SDC2: variants seen among roughly 807,000 people sequenced by gnomAD.
SDC2 encodes the protein syndecan-2.
A neutral mutation model predicts 22.2 loss-of-function variants in SDC2; 13 were observed. That is an observed-to-expected ratio of 0.59 (90% CI 0.38 to 0.93). The LOEUF is 0.93. Among genes scored for constraint, SDC2 ranks in the 40% least tolerant of loss-of-function variants. The probability of loss-of-function intolerance (pLI) is 0.00; values close to 1 mark genes in which losing one functional copy is unlikely to be tolerated. For synonymous variants in SDC2, 94 were observed against 92.8 expected, an observed-to-expected ratio of 1.01 and a Z score of -0.07; for missense variants, 235 against 246.8, an observed-to-expected ratio of 0.95 and a Z score of 0.32.
At chr8:96,555,102 A>G (rs921354686) in intron 1 of SDC2, among the ~76,000 whole-genome samples, 1 of 151,684 alleles carries the variant, frequency 6.6e-6, no homozygotes, top group Non-Finnish European at 1.5e-5. Context: ...TCTGCAGTGT[A>G]TTTTTGTGGC....
intron 1 of SDC2, among the ~76,000 whole-genome samples, chr8:96,543,814 G>A (rs368085682): frequency 1.2e-4 from 18 of 152,236 alleles, no homozygotes; most frequent in African/African-American, 3.9e-4. Flanking sequence ...TTATAAGTGC[G>A]TGTTCCTTGT....
At chr8:96,525,529 C>T (rs191666156) in intron 1 of SDC2, among the ~76,000 whole-genome samples, 363 of 152,240 alleles carry the variant, frequency 2.4e-3, no homozygotes, top group Non-Finnish European at 3.7e-3. Flanking sequence ...GCCCTTGCTG[C>T]TTTATATGAG....
At chr8:96,507,622 A>G (rs1586269941) in intron 1 of SDC2, among the ~76,000 whole-genome samples, 1 of 152,238 alleles carries the variant, frequency 6.6e-6, no homozygotes. Context: ...AGGAGATAAA[A>G]GCTTCCTGGA....
chr8:96,499,583 G>T lies in SDC2; in HGVS notation c.60+5252G>T, dbSNP rs138998370. On this transcript the variant is annotated intron_variant, in intron 1 of 4. Transcript: ENST00000302190. ...ATGCTGGTACCTTGCCACTTAATGTGTCAGAACTTGGACAGTATATTAAAG... is the reference window on the plus strand; with the variant it reads ...ATGCTGGTACCTTGCCACTTAATGTTTCAGAACTTGGACAGTATATTAAAG... Among the ~76,000 whole-genome samples the T allele has an allele frequency of 3.8e-3, 581 of 152,278 alleles. 4 individuals are homozygous for T. The highest frequency in any genetic ancestry group is 0.013 in the African/African-American group (547 of 41,544).
In SDC2 at chr8:96,552,958, T is replaced by C. The variant is rs141306613; in HGVS notation, c.61-40522T>C. ...ATTGAATGAAAAAGAATTGTAGGTA[T>C]TTCAGGAATTCCTGAATAGCTGTTT... On this transcript the variant is annotated intron_variant, in intron 1 of 4. Transcript: ENST00000302190. Among the ~76,000 whole-genome samples, 277 of 152,314 alleles carry C rather than the reference T, an allele frequency of 1.8e-3. 1 individual carries two copies. The highest frequency in any genetic ancestry group is 6.5e-3 in the African/African-American group (269 of 41,576).
chr8:96,576,371 TTTG>T (rs1264120410), intron 1 of SDC2, among the ~76,000 whole-genome samples: 2 of 33,338 alleles, frequency 6.0e-5, no homozygotes, highest in African/African-American at 1.4e-4. Context: ...GTAGTTTGTT[TTTG>T]TTTTGTTTTG....
At chr8:96,586,997 A>G (rs1390320802) in intron 1 of SDC2, among the ~76,000 whole-genome samples, 2 of 152,100 alleles carry the variant, frequency 1.3e-5, no homozygotes, top group Non-Finnish European at 2.9e-5. Flanking sequence ...ATCTCGGCTC[A>G]CTGCAACCTC....
intron 1 of SDC2, among the ~76,000 whole-genome samples, chr8:96,520,765 A>C (rs943605012): frequency 1.3e-5 from 2 of 152,212 alleles, no homozygotes; most frequent in Non-Finnish European, 2.9e-5. Context: ...GATTAGCTGC[A>C]ACTCAGCAGC....
chr8:96,502,818 TA>T (rs1341871436), intron 1 of SDC2, among the ~76,000 whole-genome samples: 32 of 152,304 alleles, frequency 2.1e-4, no homozygotes, highest in African/African-American at 6.7e-4. Flanking sequence ...ACACAATAAG[TA>T]GGGACTTTTT....
chr8:96,523,489 A>G (rs567339784), intron 1 of SDC2, among the ~76,000 whole-genome samples: 25 of 152,206 alleles, frequency 1.6e-4, no homozygotes, highest in African/African-American at 5.8e-4. Flanking sequence ...TTGGGGAGGA[A>G]CCTTTCATTC....
intron 1 of SDC2, among the ~76,000 whole-genome samples, chr8:96,582,450 AT>A (rs1367839388): frequency 2.0e-5 from 3 of 152,112 alleles, no homozygotes; most frequent in Non-Finnish European, 2.9e-5. Context: ...TCAGCTTTAG[AT>A]TTATTCCTTC....
chr8:96,545,891 G>C (rs947619747), intron 1 of SDC2, among the ~76,000 whole-genome samples: 1 of 152,188 alleles, frequency 6.6e-6, no homozygotes, highest in African/African-American at 2.4e-5. Flanking sequence ...GTTAGATGAG[G>C]TTTCGGAGTT....
At chr8:96,604,370 A>G (rs545690268) in intron 3 of SDC2, among the ~76,000 whole-genome samples, 9 of 152,360 alleles carry the variant, frequency 5.9e-5, no homozygotes, top group African/African-American at 9.6e-5. Flanking sequence ...TAATACATTT[A>G]TATTCTTACT....
chr8:96,533,976 G>A (rs1431408802), intron 1 of SDC2, among the ~76,000 whole-genome samples: 1 of 152,214 alleles, frequency 6.6e-6, no homozygotes, highest in Admixed American at 6.5e-5. Flanking sequence ...CTGAGGTCCG[G>A]TGAGAATTCG....
chr8:96,502,666 C>G (rs1232560745), intron 1 of SDC2, among the ~76,000 whole-genome samples: 1 of 152,160 alleles, frequency 6.6e-6, no homozygotes, highest in Non-Finnish European at 1.5e-5. Context: ...AAGCAAGAAT[C>G]TAAATGAGCA....
rs59524871 is a variant in SDC2 at position 96,600,620 on chromosome 8, G to A, written c.173-1775G>A. Reference sequence around the variant, plus strand: ...AGTGGTGGCCCTGGAACTGTAGAACGGTGTTAAGAGTGGAGGGATAATAAG... The same window carrying A: ...AGTGGTGGCCCTGGAACTGTAGAACAGTGTTAAGAGTGGAGGGATAATAAG... On this transcript the variant is annotated intron_variant, in intron 2 of 4. Coordinates refer to ENST00000302190, the MANE Select transcript of SDC2 (RefSeq NM_002998.4). Among the ~76,000 whole-genome samples, 737 of 152,268 alleles carry A rather than the reference G, an allele frequency of 4.8e-3. 6 individuals carry two copies. Among genetic ancestry groups the A allele is most frequent in the Middle Eastern group, 0.02 (6 of 294 alleles).
intron 1 of SDC2, among the ~76,000 whole-genome samples, chr8:96,562,747 T>C (rs958173962): frequency 6.6e-6 from 1 of 152,202 alleles, no homozygotes; most frequent in African/African-American, 2.4e-5. Flanking sequence ...AAATTAGCAT[T>C]GCTTTCAAGC....
intron 1 of SDC2, among the ~76,000 whole-genome samples, chr8:96,575,717 G>A (rs1814476928): frequency 1.3e-5 from 2 of 152,030 alleles, no homozygotes; most frequent in Non-Finnish European, 2.9e-5. Context: ...GTTTCCTGGG[G>A]GTAATATCTA....
At chr8:96,605,809 A>G in intron 3 of SDC2, among the ~76,000 whole-genome samples, 1 of 152,182 alleles carries the variant, frequency 6.6e-6, no homozygotes, top group East Asian at 1.9e-4. Flanking sequence ...TAGAGTACAA[A>G]TGGATCCACC....
Sources: gnomAD v4.1 joint callset for allele counts (sites outside exome capture counted in the v4.1 genomes callset) on GRCh38, gnomAD v4.1.1 for gene constraint, MANE v1.5 for transcripts, NCBI Gene and HGNC (gene_info 2026-07-23, HGNC 2026-07-21) for gene names.